The following CDH23 variants were observed in gnomAD, a reference collection of about 807,000 sequenced individuals.
CDH23 encodes cadherin related 23.
A neutral mutation model predicts 317.1 loss-of-function variants in CDH23; 189 were observed. That is an observed-to-expected ratio of 0.60 (90% CI 0.53 to 0.67). The LOEUF (loss-of-function observed/expected upper bound fraction) is 0.67, where lower values mean the gene tolerates loss of function less well. Ranked by LOEUF, CDH23 falls within the 30% of genes least tolerant of loss-of-function variation. The pLI, the probability that CDH23 is intolerant of heterozygous loss-of-function variation, is 0.00. For synonymous variants in CDH23, 1,839 were observed against 1,876.8 expected, an observed-to-expected ratio of 0.98 and a Z score of 0.52; for missense variants, 4,401 against 4,592.4, an observed-to-expected ratio of 0.96 and a Z score of 1.20.
intron 3 of CDH23, among the ~76,000 whole-genome samples, chr10:71,487,393 G>A (rs1403179524): frequency 6.6e-6 from 1 of 152,106 alleles, no homozygotes; most frequent in Non-Finnish European, 1.5e-5. Context: ...TCAGACCCGT[G>A]TTGTTCAAGG....
intron 9 of CDH23, among the ~76,000 whole-genome samples, chr10:71,579,013 A>G (rs1050346885): frequency 2.6e-5 from 4 of 152,186 alleles, no homozygotes; most frequent in African/African-American, 9.7e-5. Context: ...CTGTCCCTCA[A>G]TTTGCCTGTA....
intron 3 of CDH23, among the ~76,000 whole-genome samples, chr10:71,482,761 C>A (rs1790375283): frequency 6.6e-6 from 1 of 152,196 alleles, no homozygotes; most frequent in Admixed American, 6.5e-5. Flanking sequence ...AATATTGTGG[C>A]TCATCCGGAG....
intron 6 of CDH23, among the ~76,000 whole-genome samples, chr10:71,533,558 CA>C (rs1564637078): frequency 0.015 from 2,339 of 151,538 alleles, 25 homozygotes; most frequent in Middle Eastern, 0.041. Context: ...CACACACACA[CA>C]CACACACACA....
chr10:71,416,185 C>T lies in CDH23; in HGVS notation c.-6+18867C>T, dbSNP rs143189750. ...GATTACAGGTGCGCACCACCATGCC[C>T]GGCTAATTTTTGTATTTTTAGTAGA... is the stretch of plus-strand genomic sequence containing the variant. On this transcript the variant is annotated intron_variant, in intron 1 of 69. Coordinates refer to ENST00000224721, the MANE Select transcript of CDH23 (RefSeq NM_022124.6). 4.2e-3 allele frequency among the ~76,000 whole-genome samples: 644 copies of T among 152,154 alleles called. 4 individuals carry two copies. Among genetic ancestry groups the T allele is most frequent in the African/African-American group, 0.013 (542 of 41,502 alleles).
intron 6 of CDH23, among the ~76,000 whole-genome samples, chr10:71,563,834 C>T (rs1459911516): frequency 2.6e-5 from 4 of 151,696 alleles, no homozygotes; most frequent in Admixed American, 6.6e-5. Flanking sequence ...CTGCTACCTC[C>T]GCCTCCTGGG....
chr10:71,735,107 C>T (rs950077089), intron 34 of CDH23, among the ~76,000 whole-genome samples: 1 of 152,230 alleles, frequency 6.6e-6, no homozygotes, highest in Non-Finnish European at 1.5e-5. Context: ...CTTTGTAAGC[C>T]AGTCCTGGAA....
In CDH23 at chr10:71,809,848, C is replaced by T. The variant is rs529713209; in HGVS notation, c.8751C>T (p.Phe2917=). ...MGSMDGILRT[F]DLFMAYSPGY... Reference sequence around the variant, plus strand: ...GCATGGACGGCATTCTGCGCACCTTCGACCTCTTCATGGCCTACAGCCCCG... The same window carrying T: ...GCATGGACGGCATTCTGCGCACCTTTGACCTCTTCATGGCCTACAGCCCCG... Residue 2917 remains phenylalanine, a synonymous_variant, in exon 61 of 70, where the codon TTC becomes TTT. Coordinates refer to ENST00000224721, the MANE Select transcript of CDH23 (RefSeq NM_022124.6). 7 of 1,613,308 alleles carry T rather than the reference C, an allele frequency of 4.3e-6. No individual in the cohort carries two copies. The highest frequency in any genetic ancestry group is 3.3e-5 in the Admixed American group (2 of 60,034).
intron 18 of CDH23, among the ~76,000 whole-genome samples, chr10:71,684,371 G>A (rs1366153752): frequency 6.6e-6 from 1 of 152,162 alleles, no homozygotes; most frequent in African/African-American, 2.4e-5. Flanking sequence ...TCTGCACAAG[G>A]AGGCAGTGAA....
intron 14 of CDH23, among the ~76,000 whole-genome samples, chr10:71,669,131 A>G (rs1626114): frequency 0.74 from 112,512 of 152,126 alleles, 41,655 homozygotes; most frequent in East Asian, 0.82. Context: ...ATCTTCACAG[A>G]TCTTCCCCTG....
intron 22 of CDH23, among the ~76,000 whole-genome samples, chr10:71,697,389 C>G (rs1295033487): frequency 1.3e-5 from 2 of 152,234 alleles, no homozygotes; most frequent in East Asian, 3.8e-4. Flanking sequence ...CAACACCAGG[C>G]CAGGTGCAGT....
intron 20 of CDH23, among the ~76,000 whole-genome samples, chr10:71,693,030 G>T (rs547862520): frequency 3.2e-4 from 48 of 152,232 alleles, no homozygotes; most frequent in Non-Finnish European, 5.1e-4. Flanking sequence ...CCAAGCGTCT[G>T]GGAAGGGCCA....
intron 6 of CDH23, among the ~76,000 whole-genome samples, chr10:71,541,236 G>A (rs1204497087): frequency 6.6e-6 from 1 of 152,184 alleles, no homozygotes; most frequent in Non-Finnish European, 1.5e-5. Context: ...CCAAGGCCCA[G>A]TTTGGGGTGG....
intron 33 of CDH23, 127 bp from the exon 34 acceptor site, chr10:71,734,529 A>G (rs2132832030): frequency 6.2e-7 from 1 of 1,603,068 alleles, no homozygotes; most frequent in East Asian, 2.2e-5. Flanking sequence ...ATGAGACCTC[A>G]GGCAGGTGGA....
intron 3 of CDH23, among the ~76,000 whole-genome samples, chr10:71,479,367 G>C (rs1031864760): frequency 2.6e-5 from 4 of 152,204 alleles, no homozygotes; most frequent in Non-Finnish European, 4.4e-5. Flanking sequence ...GACACCTTCA[G>C]GAGGTTTTTG....
At chr10:71,520,038 G>T (rs1341539337) in intron 6 of CDH23, among the ~76,000 whole-genome samples, 1 of 152,310 alleles carries the variant, frequency 6.6e-6, no homozygotes, top group East Asian at 1.9e-4. Flanking sequence ...AAACTTCTGG[G>T]TCCAGGCAGC....
intron 6 of CDH23, among the ~76,000 whole-genome samples, chr10:71,522,834 G>A (rs770578123): frequency 3.3e-5 from 5 of 152,076 alleles, no homozygotes; most frequent in South Asian, 2.1e-4. Flanking sequence ...AAAAAGGAGA[G>A]GGGTCTTTTC....
intron 9 of CDH23, among the ~76,000 whole-genome samples, chr10:71,602,081 C>T (rs1048304467): frequency 6.6e-6 from 1 of 152,154 alleles, no homozygotes; most frequent in African/African-American, 2.4e-5. Flanking sequence ...CCCTGAACCT[C>T]GTCCGACCAC....
Position 71,809,822 on chromosome 10 carries a change from A to T in CDH23, c.8725A>T (p.Ser2909Cys). ...CCCCGCCTTTGGGCTTCCTGCAGGG[A>T]GCATGGACGGCATTCTGCGCACCTT... ...EDVGQVFTMG[S>C]MDGILRTFDL... Residue 2909 changes from serine (S) to cysteine (C), a missense_variant and splice_region_variant, in exon 61 of 70, where the codon AGC becomes TGC. Physicochemically the swap from Ser to Cys is moderately radical, Grantham distance 112. This residue lies in a region of CDH23 where 1,144 missense variants were observed against 1,138.2 expected (regional missense o/e 1.01). Coordinates refer to ENST00000224721, the MANE Select transcript of CDH23 (RefSeq NM_022124.6). The T allele has an allele frequency of 6.2e-7, 1 of 1,611,502 alleles. No individual in the cohort carries two copies. The highest frequency in any genetic ancestry group is 8.5e-7 in the Non-Finnish European group (1 of 1,178,878).
intron 9 of CDH23, among the ~76,000 whole-genome samples, chr10:71,612,791 C>T (rs1039439511): frequency 2.6e-5 from 4 of 152,196 alleles, no homozygotes; most frequent in Non-Finnish European, 5.9e-5. Flanking sequence ...ACTGCCTCTG[C>T]TTCACCCAGC....
Sources: allele counts gnomAD v4.1 joint callset (sites outside exome capture counted in the v4.1 genomes callset), GRCh38; gene constraint gnomAD v4.1.1; regional missense constraint gnomAD v4.1.1; transcripts MANE v1.5; gene names NCBI Gene and HGNC (gene_info 2026-07-23, HGNC 2026-07-21).